The following ZHX2 variants were observed in gnomAD, a reference collection of about 807,000 sequenced individuals.
ZHX2 encodes the protein zinc fingers and homeoboxes 2, also known as zinc fingers and homeoboxes protein 2.
ZHX2 carries 6 observed loss-of-function variants against 21.9 expected under a neutral mutation model. That is an observed-to-expected ratio of 0.27 (90% CI 0.15 to 0.54). ZHX2 has a LOEUF of 0.54. Ranked by LOEUF, ZHX2 falls within the 20% of genes least tolerant of loss-of-function variation. The pLI is 0.95. For synonymous variants in ZHX2, 434 were observed against 437.1 expected, an observed-to-expected ratio of 0.99 and a Z score of 0.09; for missense variants, 908 against 1,090.7, an observed-to-expected ratio of 0.83 and a Z score of 2.36.
chr8:122,952,898 T>G lies in ZHX2; in HGVS notation c.1388T>G (p.Phe463Cys). 3.7e-6 allele frequency: 6 copies of G among 1,614,100 alleles called. No individual in the cohort carries two copies. The highest frequency in any genetic ancestry group is 5.1e-6 in the Non-Finnish European group (6 of 1,180,044). Residue 463 changes from phenylalanine to cysteine, a missense_variant, in exon 3 of 4, where the codon TTC (phenylalanine) becomes TGC (cysteine). Around this residue, in one of 4 missense-constraint regions of ZHX2, gnomAD observed 232 missense variants for 361.8 expected, o/e 0.64. Coordinates refer to ENST00000314393, the MANE Select transcript of ZHX2 (RefSeq NM_014943.5). This position sits in a 1 kb window ranked among gnomAD's most constrained non-coding sequence, Gnocchi z 6.9. ...HLKASFLQSQFPDDAEVYRLI... is the reference protein window; with the variant it reads ...HLKASFLQSQCPDDAEVYRLI... ...AAGGCCAGCTTTCTCCAGAGCCAGT[T>G]CCCTGACGATGCCGAGGTTTACCGG...
chr8:122,970,599 C>T (rs1161405091), intron 3 of ZHX2, among the ~76,000 whole-genome samples: 2 of 152,212 alleles, frequency 1.3e-5, no homozygotes, highest in African/African-American at 2.4e-5. Flanking sequence ...GCTGACCCAA[C>T]GTTCTTTAGC....
Position 122,952,841 on chromosome 8 carries a change from G to A in ZHX2, c.1331G>A (p.Arg444His), listed in dbSNP as rs546766772. ...ANPPLTPASD[R>H]KKTKEQIAHL... ...CCCCCGCTCACACCAGCCAGTGACC[G>A]CAAGAAGACAAAGGAGCAGATAGCA... The change falls in exon 3 of 4, where the codon CGC (arginine) becomes CAC (histidine). Residue 444 changes from arginine (R) to histidine (H), a missense_variant. Around this residue, in one of 4 missense-constraint regions of ZHX2, gnomAD observed 232 missense variants for 361.8 expected, o/e 0.64. Transcript: ENST00000314393. The surrounding 1 kb of genome is among the most constrained non-coding windows in gnomAD (Gnocchi z 6.9). 35 of 1,614,098 alleles carry A rather than the reference G, an allele frequency of 2.2e-5. No homozygotes were observed. The highest frequency in any genetic ancestry group is 9.3e-5 in the African/African-American group (7 of 75,030).
At chr8:122,796,881 C>T (rs1455415153) in intron 1 of ZHX2, among the ~76,000 whole-genome samples, 1 of 152,152 alleles carries the variant, frequency 6.6e-6, no homozygotes, top group African/African-American at 2.4e-5. Context: ...TTCCCAGATT[C>T]CTCGGGTGCC....
intron 2 of ZHX2, among the ~76,000 whole-genome samples, chr8:122,910,984 A>G (rs891286459): frequency 1.3e-5 from 2 of 152,226 alleles, no homozygotes; most frequent in Non-Finnish European, 2.9e-5. Flanking sequence ...TGTTCCTGTT[A>G]TAAGTCATGA....
intron 2 of ZHX2, among the ~76,000 whole-genome samples, chr8:122,921,985 G>T (rs575679327): frequency 7.2e-5 from 11 of 152,106 alleles, no homozygotes; most frequent in Non-Finnish European, 1.6e-4. Context: ...CAAATGATAG[G>T]CTGGAAACAA....
intron 2 of ZHX2, among the ~76,000 whole-genome samples, chr8:122,941,319 A>C (rs948028833): frequency 2.0e-5 from 3 of 152,234 alleles, no homozygotes; most frequent in Non-Finnish European, 4.4e-5. Context: ...TTGGTCAACA[A>C]ACCCCTTCTT....
intron 2 of ZHX2, among the ~76,000 whole-genome samples, chr8:122,929,282 C>T (rs1263802031): frequency 6.6e-6 from 1 of 152,178 alleles, no homozygotes; most frequent in African/African-American, 2.4e-5. Flanking sequence ...GAAGTAACCC[C>T]ACTTCTCATT....
intron 2 of ZHX2, among the ~76,000 whole-genome samples, chr8:122,907,167 A>C (rs1336162988): frequency 6.6e-6 from 1 of 152,196 alleles, no homozygotes; most frequent in Admixed American, 6.5e-5. Flanking sequence ...AATTTTGCCA[A>C]GGTTGAGGCA....
chr8:122,811,235 C>T (rs888241192), intron 1 of ZHX2, among the ~76,000 whole-genome samples: 4 of 151,874 alleles, frequency 2.6e-5, no homozygotes, highest in African/African-American at 9.7e-5. Flanking sequence ...ACAAAAATAG[C>T]TGGGCGTAGT....
Position 122,953,998 on chromosome 8 carries a change from G to A in ZHX2, c.2488G>A (p.Val830Ile), listed in dbSNP as rs1422922020. The A allele has an allele frequency of 1.3e-5, 21 of 1,607,634 alleles. No individual in the cohort carries two copies. The highest frequency in any genetic ancestry group is 1.7e-5 in the Admixed American group (1 of 59,658). ...SELAESDSDC[V>I]PAEAGQA The stretch of plus-strand genomic sequence containing the variant: ...ACTGGCTGAATCAGACTCCGACTGC[G>A]TCCCTGCAGAGGCTGGCCAGGCCTA... Residue 830 changes from valine (V) to isoleucine (I), a missense_variant, in exon 3 of 4, where the codon GTC (valine) becomes ATC (isoleucine). Physicochemically the swap from Val to Ile is conservative, Grantham distance 29. This residue lies in a region of ZHX2 where 431 missense variants were observed against 428.6 expected (regional missense o/e 1.01). Coordinates refer to ENST00000314393, the MANE Select transcript of ZHX2 (RefSeq NM_014943.5). The surrounding 1 kb of genome is among the most constrained non-coding windows in gnomAD (Gnocchi z 4.6).
At chr8:122,815,226 G>T (rs1044246086) in intron 1 of ZHX2, among the ~76,000 whole-genome samples, 6 of 152,216 alleles carry the variant, frequency 3.9e-5, no homozygotes, top group African/African-American at 1.4e-4. Flanking sequence ...GGCAGGGTCG[G>T]CTTCTCCGTT....
At chr8:122,841,209 C>G (rs1214028702) in intron 1 of ZHX2, among the ~76,000 whole-genome samples, 4 of 152,152 alleles carry the variant, frequency 2.6e-5, no homozygotes, top group Admixed American at 2.0e-4. Flanking sequence ...ACCACTAGCC[C>G]TAATGAGAAC....
chr8:122,834,950 T>C (rs988779494), intron 1 of ZHX2, among the ~76,000 whole-genome samples: 2 of 152,172 alleles, frequency 1.3e-5, no homozygotes, highest in African/African-American at 4.8e-5. Context: ...GGGGTCCTGG[T>C]TGGGGACTGC....
intron 2 of ZHX2, among the ~76,000 whole-genome samples, chr8:122,894,155 G>C (rs371747489): frequency 6.6e-6 from 1 of 152,224 alleles, no homozygotes; most frequent in Admixed American, 6.5e-5. Flanking sequence ...TGGCCCTTCT[G>C]GGGGCAGGGG....
intron 2 of ZHX2, among the ~76,000 whole-genome samples, chr8:122,941,913 G>A (rs904105262): frequency 6.6e-6 from 1 of 152,204 alleles, no homozygotes; most frequent in Non-Finnish European, 1.5e-5. Context: ...CACTCCAGGT[G>A]ACGTGTGATG....
intron 1 of ZHX2, among the ~76,000 whole-genome samples, chr8:122,852,776 G>A (rs989124745): frequency 6.6e-6 from 1 of 152,076 alleles, no homozygotes; most frequent in African/African-American, 2.4e-5. Context: ...CTAAGCTATG[G>A]GCTTCCTTTC....
At chr8:122,819,798 G>A (rs1411238700) in intron 1 of ZHX2, among the ~76,000 whole-genome samples, 1 of 152,234 alleles carries the variant, frequency 6.6e-6, no homozygotes, top group Non-Finnish European at 1.5e-5. Flanking sequence ...CCAGAAGGCA[G>A]TGAAGTGGTT....
chr8:122,811,544 C>A (rs184665247), intron 1 of ZHX2, among the ~76,000 whole-genome samples: 12 of 152,302 alleles, frequency 7.9e-5, no homozygotes, highest in African/African-American at 9.6e-5. Context: ...GGAAACCAGA[C>A]ACACTTACCC....
intron 1 of ZHX2, among the ~76,000 whole-genome samples, chr8:122,805,319 A>T (rs1465900730): frequency 6.6e-6 from 1 of 152,114 alleles, no homozygotes; most frequent in Non-Finnish European, 1.5e-5. Context: ...ACCAACTCCC[A>T]TCAGTCACTG....
Sources: allele counts gnomAD v4.1 joint callset (sites outside exome capture counted in the v4.1 genomes callset), GRCh38; gene constraint gnomAD v4.1.1; regional missense constraint gnomAD v4.1.1; non-coding constraint Gnocchi (gnomAD v3.1); transcripts MANE v1.5; gene names NCBI Gene and HGNC (gene_info 2026-07-23, HGNC 2026-07-21).